LRCH1: variants seen among roughly 807,000 people sequenced by gnomAD.
LRCH1 encodes leucine-rich repeat and calponin homology domain-containing protein 1.
A neutral mutation model predicts 94.9 loss-of-function variants in LRCH1; 23 were observed. The ratio of observed to expected loss-of-function variants is 0.24; its 90% CI spans 0.17 to 0.34. LRCH1 has a LOEUF of 0.34. LRCH1 is among the 10% of genes least tolerant of loss of function. The pLI, the probability that LRCH1 is intolerant of heterozygous loss-of-function variation, is 1.00. For synonymous variants in LRCH1, 364 were observed against 354.9 expected (o/e 1.03, Z -0.29); for missense variants, 790 against 945.9 (o/e 0.84, Z 2.16).
chr13:46,712,408 G>C, intron 14 of LRCH1, 117 bp from the exon 15 acceptor site: 1 of 742,582 alleles, frequency 1.3e-6, no homozygotes, highest in Non-Finnish European at 2.3e-6. Context: ...TCATCACACA[G>C]CAGCGAATGC....
At chr13:46,624,491 G>T (rs1161548955) in intron 1 of LRCH1, among the ~76,000 whole-genome samples, 2 of 152,124 alleles carry the variant, frequency 1.3e-5, no homozygotes, top group Non-Finnish European at 2.9e-5. Flanking sequence ...CCATTTTCAG[G>T]GAATGCTCTT....
At chr13:46,728,777 C>T in intron 17 of LRCH1, 70 bp from the exon 18 acceptor site, 9 of 1,399,630 alleles carry the variant, frequency 6.4e-6, no homozygotes, top group South Asian at 1.6e-5. Flanking sequence ...CATAAATACC[C>T]ATAAATGTAT....
chr13:46,685,615 G>GA (rs146525572), intron 4 of LRCH1, among the ~76,000 whole-genome samples: 5,233 of 147,696 alleles, frequency 0.035, 298 homozygotes, highest in African/African-American at 0.12. Flanking sequence ...TTCTTTTGCT[G>GA]AAAAAAAAAA....
At chr13:46,748,522 G>A (rs1254712764), downstream of LRCH1, among the ~76,000 whole-genome samples, 1 of 152,170 alleles carries the variant, frequency 6.6e-6, no homozygotes, top group Non-Finnish European at 1.5e-5. Context: ...AGATTCAAGT[G>A]ATTTCACAAG....
At chr13:46,669,662 A>T (rs1177501405) in intron 3 of LRCH1, among the ~76,000 whole-genome samples, 2 of 152,232 alleles carry the variant, frequency 1.3e-5, no homozygotes, top group Admixed American at 1.3e-4. Context: ...CAAGCTATAG[A>T]TGAGCAGAGA....
At chr13:46,705,239 T>TA in intron 12 of LRCH1, 29 bp from the exon 13 acceptor site, 5 of 1,351,744 alleles carry the variant, frequency 3.7e-6, no homozygotes, top group Non-Finnish European at 5.0e-6. Context: ...TCACTTTGTA[T>TA]CTTTTTTTTT....
chr13:46,640,503 C>G (rs1185808985), intron 1 of LRCH1, among the ~76,000 whole-genome samples: 1 of 152,218 alleles, frequency 6.6e-6, no homozygotes, highest in African/African-American at 2.4e-5. Context: ...CAAGATAGGA[C>G]AGTGCCCATC....
At position 46,657,709 on chromosome 13, in the gene LRCH1, G is replaced by T. The variant is rs868008846; in HGVS notation, c.452+7364G>T. ...CCCAGCTAATTTTTTTTTTTTTTTT[G>T]GTAGAGATGGAATTTTGCTATGTTG... On this transcript the variant is annotated intron_variant, in intron 2 of 19. Transcript: ENST00000389797. 9.1e-3 allele frequency among the ~76,000 whole-genome samples: 127 copies of T among 14,020 alleles called. 1 individual carries two copies. Among genetic ancestry groups the T allele is most frequent in the East Asian group, 0.025 (6 of 240 alleles). The allele number at this position is 14,020 out of a possible 152,430, so 9.2% of individuals were successfully genotyped here.
At chr13:46,635,127 C>T (rs1211503789) in intron 1 of LRCH1, among the ~76,000 whole-genome samples, 3 of 152,320 alleles carry the variant, frequency 2.0e-5, no homozygotes, top group East Asian at 3.9e-4. Context: ...TCTGTATGCA[C>T]TGTGGCCATC....
At chr13:46,566,335 A>G (rs548345994) in intron 1 of LRCH1, among the ~76,000 whole-genome samples, 2 of 152,152 alleles carry the variant, frequency 1.3e-5, no homozygotes, top group East Asian at 3.9e-4. Flanking sequence ...TCACTCTTTT[A>G]CTGGCATCCA....
At chr13:46,653,842 GAAAAT>G (rs2051338264) in intron 2 of LRCH1, among the ~76,000 whole-genome samples, 1 of 151,894 alleles carries the variant, frequency 6.6e-6, no homozygotes, top group Admixed American at 6.6e-5. Context: ...AAGAAAGAAA[GAAAAT>G]AAAATAAAAA....
At chr13:46,569,860 C>T (rs992911548) in intron 1 of LRCH1, among the ~76,000 whole-genome samples, 5 of 152,034 alleles carry the variant, frequency 3.3e-5, no homozygotes, top group African/African-American at 1.2e-4. Context: ...AATGACAGAC[C>T]CCAGCTCTCC....
chr13:46,553,758 G>C, intron 1 of LRCH1, 55 bp downstream of exon 1: 1 of 1,586,976 alleles, frequency 6.3e-7, no homozygotes, highest in East Asian at 2.3e-5. Flanking sequence ...GGTGTCTGTC[G>C]TGCGTTCCCT....
At chr13:46,585,353 G>A (rs554372325) in intron 1 of LRCH1, among the ~76,000 whole-genome samples, 2 of 152,100 alleles carry the variant, frequency 1.3e-5, no homozygotes, top group South Asian at 4.2e-4. Context: ...CGAGGCAGGC[G>A]GATCACGAGG....
At chr13:46,751,947 T>A (rs1031942454) in exon 19 of LRCH1, 1 of 152,270 alleles carries the variant, frequency 6.6e-6, no homozygotes, top group Non-Finnish European at 1.5e-5. Context: ...GTCTGTAAAA[T>A]CCTGCAAGAT....
Position 46,606,367 on chromosome 13 carries a change from C to T in LRCH1, c.308-43834C>T, listed in dbSNP as rs1594280701. ...CTTGCCCTTAGTTACATTAACACTC[C>T]CACATGACAAAACTCATGAGTGCAT... is the stretch of plus-strand genomic sequence containing the variant. On this transcript the variant is annotated intron_variant, in intron 1 of 19. Coordinates refer to ENST00000389797, the MANE Select transcript of LRCH1 (RefSeq NM_001164211.2). Among the ~76,000 whole-genome samples, 7 of 152,192 alleles carry T rather than the reference C, an allele frequency of 4.6e-5. No individual in the cohort carries two copies. The South Asian group carries it at 1.4e-3, about 32-fold the overall frequency.
At chr13:46,656,853 G>A (rs890428267) in intron 2 of LRCH1, among the ~76,000 whole-genome samples, 1 of 152,224 alleles carries the variant, frequency 6.6e-6, no homozygotes, top group Non-Finnish European at 1.5e-5. Flanking sequence ...GTGTGAATGA[G>A]TGAATGATTG....
downstream of LRCH1, chr13:46,745,017 C>T (rs1298892374): frequency 2.8e-5 from 17 of 615,430 alleles, no homozygotes; most frequent in Non-Finnish European, 3.4e-5. Flanking sequence ...TGAGCAATCT[C>T]TGCAAGGCCC....
intron 13 of LRCH1, among the ~76,000 whole-genome samples, chr13:46,707,781 C>A (rs1261770251): frequency 6.6e-6 from 1 of 152,180 alleles, no homozygotes; most frequent in African/African-American, 2.4e-5. Flanking sequence ...CATAAGTTAT[C>A]GTTATTTCAT....
Sources: gnomAD v4.1 joint callset for allele counts (sites outside exome capture counted in the v4.1 genomes callset) on GRCh38, gnomAD v4.1.1 for gene constraint, MANE v1.5 for transcripts, NCBI Gene and HGNC (gene_info 2026-07-23, HGNC 2026-07-21) for gene names.